HS3ST3A1: variants seen among roughly 807,000 people sequenced by gnomAD.
HS3ST3A1 encodes the protein heparan sulfate-glucosamine 3-sulfotransferase 3A1.
HS3ST3A1 carries 19 observed loss-of-function variants against 25.7 expected under a neutral mutation model. The ratio of observed to expected loss-of-function variants is 0.74; its 90% CI spans 0.52 to 1.08. The LOEUF is 1.08. Among genes scored for constraint, HS3ST3A1 ranks in the 50% least tolerant of loss-of-function variants. HS3ST3A1 has a pLI of 0.00. For missense variants in HS3ST3A1, 459 were observed against 594.3 expected, an observed-to-expected ratio of 0.77 and a Z score of 2.37; for synonymous variants, 226 against 278.6, an observed-to-expected ratio of 0.81 and a Z score of 1.88.
chr17:13,504,406 T>C (rs1905588387), intron 1 of HS3ST3A1, among the ~76,000 whole-genome samples: 1 of 152,178 alleles, frequency 6.6e-6, no homozygotes, highest in Admixed American at 6.5e-5. Flanking sequence ...TGATTTCCTT[T>C]ATAAAAAATG....
intron 1 of HS3ST3A1, among the ~76,000 whole-genome samples, chr17:13,599,377 C>T (rs570999584): frequency 6.6e-6 from 1 of 152,190 alleles, no homozygotes; most frequent in Non-Finnish European, 1.5e-5. Context: ...GCAATTGGCC[C>T]CTCAAGTAAA....
chr17:13,560,053 G>A (rs956677359), intron 1 of HS3ST3A1, among the ~76,000 whole-genome samples: 2 of 151,480 alleles, frequency 1.3e-5, no homozygotes, highest in African/African-American at 2.4e-5. Flanking sequence ...ACTTTGGGAG[G>A]CCGAGGCAGG....
chr17:13,564,446 A>T (rs1907626408), intron 1 of HS3ST3A1, among the ~76,000 whole-genome samples: 1 of 152,172 alleles, frequency 6.6e-6, no homozygotes, highest in African/African-American at 2.4e-5. Context: ...AAATCCATGG[A>T]TGCTCAAGTT....
At chr17:13,509,724 T>C (rs1024923985) in intron 1 of HS3ST3A1, among the ~76,000 whole-genome samples, 3 of 152,162 alleles carry the variant, frequency 2.0e-5, no homozygotes, top group Non-Finnish European at 4.4e-5. Flanking sequence ...GCAGCACCAC[T>C]AAAAATTAGA....
Position 13,574,227 on chromosome 17 carries a change from G to A in HS3ST3A1, c.599+26304C>T, listed in dbSNP as rs562199513. Among the ~76,000 whole-genome samples, 240 of 147,580 alleles carry A rather than the reference G, an allele frequency of 1.6e-3. 2 individuals are homozygous for A. The highest frequency in any genetic ancestry group is 5.5e-3 in the African/African-American group (221 of 39,894). ...CAGCTCACTGCAACCTCCACCTCCC[G>A]GGTTCAAGTGATTCTCCTGCCTCAG... On this transcript the variant is annotated intron_variant, in intron 1 of 1. Transcript: ENST00000284110.
chr17:13,546,762 T>C lies in HS3ST3A1; in HGVS notation c.600-49944A>G, dbSNP rs529304296. Among the ~76,000 whole-genome samples the C allele has an allele frequency of 4.6e-5, 7 of 152,348 alleles. No individual in the cohort carries two copies. The South Asian group carries it at 1.4e-3, about 32-fold the overall frequency. On this transcript the variant is annotated intron_variant, in intron 1 of 1. Transcript: ENST00000284110. ...TCATCATTTCTCAAACTGTGTCCTCTAGAACACCAACTTTTCGTAGTACAG... is the reference window on the plus strand; with the variant it reads ...TCATCATTTCTCAAACTGTGTCCTCCAGAACACCAACTTTTCGTAGTACAG...
intron 1 of HS3ST3A1, among the ~76,000 whole-genome samples, chr17:13,577,469 AACCAGT>A (rs1327543263): frequency 6.6e-6 from 1 of 152,172 alleles, no homozygotes; most frequent in Non-Finnish European, 1.5e-5. Context: ...CTGGCAAGGA[AACCAGT>A]ACAGCTAACT....
chr17:13,549,198 C>G (rs1317274520), intron 1 of HS3ST3A1, among the ~76,000 whole-genome samples: 1 of 152,158 alleles, frequency 6.6e-6, no homozygotes, highest in Non-Finnish European at 1.5e-5. Context: ...GACACGCTGG[C>G]TTTAAGAGCT....
chr17:13,512,345 T>C (rs1297768600), intron 1 of HS3ST3A1, among the ~76,000 whole-genome samples: 1 of 148,212 alleles, frequency 6.7e-6, no homozygotes, highest in African/African-American at 2.5e-5. Flanking sequence ...ATCCCATTTA[T>C]ATGACACATT....
intron 1 of HS3ST3A1, among the ~76,000 whole-genome samples, chr17:13,508,090 C>A (rs1905743067): frequency 2.0e-5 from 3 of 151,806 alleles, no homozygotes. Flanking sequence ...TCTGGATATG[C>A]AATTCTAAGA....
chr17:13,573,801 T>G (rs1456220353), intron 1 of HS3ST3A1, among the ~76,000 whole-genome samples: 2 of 152,176 alleles, frequency 1.3e-5, no homozygotes, highest in African/African-American at 4.8e-5. Context: ...TGATTGGATT[T>G]AGATGAAGGC....
chr17:13,591,670 T>TTG (rs1328830541), intron 1 of HS3ST3A1, among the ~76,000 whole-genome samples: 21 of 150,784 alleles, frequency 1.4e-4, no homozygotes, highest in Non-Finnish European at 3.1e-4. Context: ...TCTTTTTTTT[T>TTG]TTTTTTGGGA....
rs367571505 is a variant in HS3ST3A1, at chr17:13,600,679, G to T, written c.451C>A (p.Gln151Lys). The T allele has an allele frequency of 1.3e-5, 21 of 1,584,926 alleles. No individual in the cohort carries two copies. Among genetic ancestry groups the T allele is most frequent in the Admixed American group, 1.0e-4 (6 of 58,030 alleles). Residue 151 changes from glutamine (Q) to lysine (K), a missense_variant, in exon 1 of 2, where the codon CAG (glutamine) becomes AAG (lysine). Around this residue, in one of 3 missense-constraint regions of HS3ST3A1, gnomAD observed 346 missense variants for 303.9 expected, o/e 1.14. Coordinates refer to ENST00000284110, the MANE Select transcript of HS3ST3A1 (RefSeq NM_006042.3). ...LALLLDEGSKQLPQAIIIGVK... is the reference protein window; with the variant it reads ...LALLLDEGSKKLPQAIIIGVK... ...CCGATGATGATGGCCTGCGGCAGCT[G>T]CTTGCTGCCTTCGTCCAGGAGCAGC...
At chr17:13,505,793 A>G (rs1397931480) in intron 1 of HS3ST3A1, among the ~76,000 whole-genome samples, 2 of 152,066 alleles carry the variant, frequency 1.3e-5, no homozygotes, top group Admixed American at 6.5e-5. Context: ...TGGGAGGCAG[A>G]TGTGGGCAGA....
chr17:13,593,407 C>T (rs1908487223), intron 1 of HS3ST3A1, among the ~76,000 whole-genome samples: 2 of 152,164 alleles, frequency 1.3e-5, no homozygotes, highest in South Asian at 4.2e-4. Context: ...CATTTGCCTG[C>T]CATAGAAGAC....
chr17:13,510,403 A>T (rs1450561731), intron 1 of HS3ST3A1, among the ~76,000 whole-genome samples: 1 of 152,246 alleles, frequency 6.6e-6, no homozygotes, highest in Non-Finnish European at 1.5e-5. Flanking sequence ...AGAGTGGGGA[A>T]GCTGAGAGAG....
chr17:13,500,767 T>C (rs922751608), intron 1 of HS3ST3A1, among the ~76,000 whole-genome samples: 6 of 152,158 alleles, frequency 3.9e-5, no homozygotes, highest in African/African-American at 1.4e-4. Context: ...TAAGCAGAAA[T>C]TTCACAAGCG....
chr17:13,539,837 A>G, intron 1 of HS3ST3A1, among the ~76,000 whole-genome samples: 1 of 152,204 alleles, frequency 6.6e-6, no homozygotes, highest in East Asian at 1.9e-4. Context: ...CCTCAGAAAA[A>G]AATTCTGATT....
At chr17:13,585,620 A>G (rs1232296217) in intron 1 of HS3ST3A1, among the ~76,000 whole-genome samples, 1 of 151,806 alleles carries the variant, frequency 6.6e-6, no homozygotes, top group East Asian at 1.9e-4. Context: ...CTTTGGGTCT[A>G]GAATAGAAAT....
Sources: allele counts gnomAD v4.1 joint callset (sites outside exome capture counted in the v4.1 genomes callset), GRCh38; gene constraint gnomAD v4.1.1; regional missense constraint gnomAD v4.1.1; transcripts MANE v1.5; gene names NCBI Gene and HGNC (gene_info 2026-07-23, HGNC 2026-07-21).